The following TJP2 variants were observed in gnomAD, a reference collection of about 807,000 sequenced individuals.
TJP2 encodes the protein Friedreich ataxia region gene X104 (tight junction protein ZO-2).
A neutral mutation model predicts 133.1 loss-of-function variants in TJP2; 91 were observed. The observed-to-expected ratio is 0.68, with a 90% CI of 0.58 to 0.81. The LOEUF (loss-of-function observed/expected upper bound fraction) is 0.81. Among genes scored for constraint, TJP2 ranks in the 40% least tolerant of loss-of-function variants. The pLI is 0.00. For synonymous variants in TJP2, 592 were observed against 583.4 expected (o/e 1.01, Z -0.21); for missense variants, 1,541 against 1,565.6 (o/e 0.98, Z 0.26).
intron 7 of TJP2, among the ~76,000 whole-genome samples, chr9:69,227,120 T>A (rs1361439459): frequency 1.6e-5 from 1 of 63,440 alleles, no homozygotes; most frequent in African/African-American, 4.4e-5. Context: ...AAAGCAGACT[T>A]TTGTTGATTT....
rs986118786 is a variant in TJP2 at position 69,242,088 on chromosome 9, T to C, written c.2566+1941T>C. On this transcript the variant is annotated intron_variant, in intron 17 of 22. Coordinates refer to ENST00000377245, the MANE Select transcript of TJP2 (RefSeq NM_004817.4). ...AATCGGGAAGGGAATTACAGTGCAT[T>C]GTAGAGGAAGAACTAGGCTGAAGGC... Among the ~76,000 whole-genome samples the C allele has an allele frequency of 9.2e-5, 14 of 152,106 alleles. 1 individual carries two copies. The highest frequency in any genetic ancestry group is 1.5e-5 in the Non-Finnish European group (1 of 68,014).
At chr9:69,138,302 C>T (rs187452355) in intron 1 of TJP2, among the ~76,000 whole-genome samples, 74 of 152,266 alleles carry the variant, frequency 4.9e-4, no homozygotes, top group Middle Eastern at 3.4e-3. Context: ...ATTGTTCTCA[C>T]GTATCAGACA....
intron 1 of TJP2, among the ~76,000 whole-genome samples, chr9:69,208,663 C>G (rs1356325954): frequency 6.6e-6 from 1 of 152,158 alleles, no homozygotes; most frequent in African/African-American, 2.4e-5. Context: ...AAGTAATGTA[C>G]TCATAAAAAT....
At chr9:69,167,442 T>C (rs1198928417) in intron 2 of TJP2, among the ~76,000 whole-genome samples, 1 of 152,216 alleles carries the variant, frequency 6.6e-6, no homozygotes, top group Non-Finnish European at 1.5e-5. Flanking sequence ...TGCTTTATAA[T>C]GAGCACCTTA....
chr9:69,185,524 T>C (rs1825800030), intron 1 of TJP2, among the ~76,000 whole-genome samples: 1 of 152,216 alleles, frequency 6.6e-6, no homozygotes, highest in Admixed American at 6.5e-5. Flanking sequence ...AGGTATAAGC[T>C]TGAGAAATTA....
At chr9:69,207,069 C>T (rs1827486388) in intron 1 of TJP2, among the ~76,000 whole-genome samples, 1 of 152,128 alleles carries the variant, frequency 6.6e-6, no homozygotes, top group Non-Finnish European at 1.5e-5. Flanking sequence ...GTCACCTCAT[C>T]CTGAATGTTA....
intron 1 of TJP2, among the ~76,000 whole-genome samples, chr9:69,205,628 T>A (rs886747569): frequency 6.6e-6 from 1 of 152,260 alleles, no homozygotes; most frequent in Non-Finnish European, 1.5e-5. Flanking sequence ...TATATTCTTA[T>A]TATGTCTAGG....
At chr9:69,148,596 C>G (rs1441780577) in intron 1 of TJP2, among the ~76,000 whole-genome samples, 1 of 152,028 alleles carries the variant, frequency 6.6e-6, no homozygotes, top group African/African-American at 2.4e-5. Flanking sequence ...TCTCGAACTC[C>G]TGACCCCAAG....
rs189505556 is a variant in TJP2, at chr9:69,212,447, G to T, written c.61-101G>T. The T allele has an allele frequency of 1.8e-5, 16 of 880,456 alleles. No homozygotes were observed. The African/African-American group carries it at 2.3e-4, about 13-fold the overall frequency. 54.5% of individuals were successfully genotyped at this position (880,456 alleles called of 1,614,324 possible). On this transcript the variant is annotated intron_variant, in intron 1 of 22. Coordinates refer to ENST00000377245, the MANE Select transcript of TJP2 (RefSeq NM_004817.4). ...TTAACTCTTTTTTGGTATAGAAAGT[G>T]TGAGCTGGACTTTATGTCGAGGCAT... is the stretch of plus-strand genomic sequence containing the variant.
chr9:69,236,490 C>T (rs1466567412), intron 13 of TJP2, among the ~76,000 whole-genome samples: 1 of 152,100 alleles, frequency 6.6e-6, no homozygotes, highest in Non-Finnish European at 1.5e-5. Flanking sequence ...GCATCCACTG[C>T]CTTGTACCGT....
At chr9:69,184,129 T>C (rs1289061305) in intron 1 of TJP2, among the ~76,000 whole-genome samples, 1 of 152,220 alleles carries the variant, frequency 6.6e-6, no homozygotes, top group Non-Finnish European at 1.5e-5. Context: ...CTTTTTCTCA[T>C]GTTCAGTTTT....
intron 7 of TJP2, among the ~76,000 whole-genome samples, chr9:69,226,435 C>A (rs182161828): frequency 6.6e-6 from 1 of 152,184 alleles, no homozygotes; most frequent in East Asian, 1.9e-4. Context: ...CAAAACTTGT[C>A]AGTAAAAAAA....
At chr9:69,172,365 T>C (rs937232333), upstream of TJP2, among the ~76,000 whole-genome samples, 1 of 152,258 alleles carries the variant, frequency 6.6e-6, no homozygotes, top group South Asian at 2.1e-4. Flanking sequence ...ACTTTCTGCA[T>C]TGATGGAAAT....
At chr9:69,252,770 G>A in intron 21 of TJP2, 45 bp from the exon 22 acceptor site, 1 of 1,576,666 alleles carries the variant, frequency 6.3e-7, no homozygotes, top group Non-Finnish European at 8.7e-7. Flanking sequence ...AGTGCCCAGT[G>A]GTTCATTCTT....
chr9:69,153,069 AAAT>A (rs1056430637), intron 2 of TJP2, among the ~76,000 whole-genome samples: 5 of 151,598 alleles, frequency 3.3e-5, no homozygotes, highest in Admixed American at 1.3e-4. Context: ...ATTTAAAAAA[AAAT>A]AATAATAATA....
chr9:69,253,913 G>T, intron 22 of TJP2: 1 of 454,270 alleles, frequency 2.2e-6, no homozygotes, highest in Non-Finnish European at 4.1e-6. Context: ...CTCGCTGCTG[G>T]GTGAGACTAG....
At chr9:69,131,387 G>A (rs1822489322) in intron 1 of TJP2, among the ~76,000 whole-genome samples, 1 of 152,204 alleles carries the variant, frequency 6.6e-6, no homozygotes, top group African/African-American at 2.4e-5. Context: ...AATCCAAGAA[G>A]GGCAGTGGCC....
rs769934897 is a variant in TJP2, at chr9:69,152,869, C to T, written c.-10+1098C>T. On this transcript the variant is annotated intron_variant, in intron 2 of 5. Coordinates refer to the TJP2 transcript ENST00000423935. ...TTTTTGAGACGGAGTCTCGCTCTGT[C>T]GCCCAGGCTGGAGTGCAGTGGTGCG... 9.2e-5 allele frequency among the ~76,000 whole-genome samples: 11 copies of T among 118,994 alleles called. No homozygotes were observed. In the East Asian group the frequency reaches 1.3e-3, roughly 14 times the overall value. The allele number at this position is 118,994 out of a possible 152,430, so 78.1% of individuals were successfully genotyped here. A position where few individuals can be genotyped will look rare whatever the true frequency, so the allele number is the denominator to read the frequency against.
chr9:69,204,946 C>A, intron 1 of TJP2: 1 of 1,289,572 alleles, frequency 7.8e-7, no homozygotes, highest in Non-Finnish European at 9.8e-7. Flanking sequence ...TGAAGTGGTG[C>A]AAATCCAAAC....
Sources: gnomAD v4.1 joint callset for allele counts (sites outside exome capture counted in the v4.1 genomes callset) on GRCh38, gnomAD v4.1.1 for gene constraint, MANE v1.5 for transcripts, NCBI Gene and HGNC (gene_info 2026-07-23, HGNC 2026-07-21) for gene names.